Variants in TOGARAM1 observed in about 807,000 individuals in gnomAD.
The protein encoded by TOGARAM1 is TOG array regulator of axonemal microtubules 1.
TOGARAM1 carries 100 observed loss-of-function variants against 166.6 expected under a neutral mutation model. That is an observed-to-expected ratio of 0.60 (90% CI 0.51 to 0.71). The LOEUF (loss-of-function observed/expected upper bound fraction) is 0.71. TOGARAM1 is among the 30% of genes least tolerant of loss of function. The pLI is 0.00. For synonymous variants in TOGARAM1, 758 were observed against 763.8 expected (o/e 0.99, Z 0.13); for missense variants, 2,029 against 2,102.7 (o/e 0.96, Z 0.69).
At chr14:45,019,943 G>T (rs1880397896) in intron 7 of TOGARAM1, among the ~76,000 whole-genome samples, 1 of 152,170 alleles carries the variant, frequency 6.6e-6, no homozygotes, top group South Asian at 2.1e-4. Context: ...GGTGACTTCA[G>T]TGTCATCAAC....
At chr14:45,015,916 C>T (rs1880106342) in intron 7 of TOGARAM1, among the ~76,000 whole-genome samples, 1 of 152,110 alleles carries the variant, frequency 6.6e-6, no homozygotes, top group Admixed American at 6.5e-5. Flanking sequence ...AAATCAGAAT[C>T]TTCCCTAAGC....
rs1230945405 is a variant in TOGARAM1, at chr14:45,027,401, C to A, written c.3431C>A (p.Pro1144Gln). 4 of 1,613,284 alleles carry A rather than the reference C, an allele frequency of 2.5e-6. No homozygotes were observed. The highest frequency in any genetic ancestry group is 3.4e-6 in the Non-Finnish European group (4 of 1,179,692). Residue 1144 changes from proline to glutamine, a missense_variant, in exon 9 of 20, where the codon CCA becomes CAA. By Grantham distance (76) the Pro-to-Gln change is moderately conservative. Transcript: ENST00000361462. ...DTFSIKQSIE[P>Q]PSGIYGRSVQ... ...TTTTCAATTAAACAAAGTATTGAAC[C>A]ACCATCAGGGATTTATGGAAGATCA...
intron 16 of TOGARAM1, 71 bp downstream of exon 16, chr14:45,054,620 A>C: frequency 8.8e-7 from 1 of 1,138,568 alleles, no homozygotes; most frequent in Non-Finnish European, 1.3e-6. Flanking sequence ...GGATGTTTTC[A>C]TAAACTACCC....
At chr14:45,030,498 T>A (rs1335955548) in intron 10 of TOGARAM1, among the ~76,000 whole-genome samples, 4 of 152,100 alleles carry the variant, frequency 2.6e-5, no homozygotes, top group African/African-American at 9.7e-5. Context: ...TAATAGTGCT[T>A]TTTTTTATTT....
In TOGARAM1 at chr14:44,963,506, A is replaced by G; in HGVS notation, c.1085A>G (p.Gln362Arg). 1 of 1,614,238 alleles carries G rather than the reference A, an allele frequency of 6.2e-7. No homozygotes were observed. Among genetic ancestry groups the G allele is most frequent in the South Asian group, 1.1e-5 (1 of 91,084 alleles). ...PQELHSRLLD[Q>R]EDYKNRTQAV... ...GAGCTGCATTCACGATTATTGGATCAGGAAGACTATAAGAACCGGACCCAG... is the reference window on the plus strand; with the variant it reads ...GAGCTGCATTCACGATTATTGGATCGGGAAGACTATAAGAACCGGACCCAG... The change falls in exon 1 of 20, where the codon CAG becomes CGG. Residue 362 changes from glutamine (Q) to arginine (R), a missense_variant. Around this residue, in one of 2 missense-constraint regions of TOGARAM1, gnomAD observed 1,453 missense variants for 1,432.2 expected, o/e 1.01. Transcript: ENST00000361462.
intron 7 of TOGARAM1, among the ~76,000 whole-genome samples, chr14:45,020,436 T>C (rs1880431460): frequency 6.6e-6 from 1 of 152,234 alleles, no homozygotes; most frequent in Non-Finnish European, 1.5e-5. Flanking sequence ...ATGTCACCAT[T>C]TAGTTCTTGA....
chr14:45,036,514 C>T (rs1434663822), intron 11 of TOGARAM1, among the ~76,000 whole-genome samples: 2 of 152,094 alleles, frequency 1.3e-5, no homozygotes, highest in African/African-American at 2.4e-5. Flanking sequence ...ATTACATGGC[C>T]ATATTAATAT....
chr14:45,064,429 C>T (rs1177424612), intron 16 of TOGARAM1, among the ~76,000 whole-genome samples: 1 of 152,082 alleles, frequency 6.6e-6, no homozygotes, highest in Admixed American at 6.6e-5. Context: ...CCATGCCCAG[C>T]TTATGTCTTT....
At chr14:44,965,901 G>A (rs895728923) in intron 1 of TOGARAM1, among the ~76,000 whole-genome samples, 2 of 137,640 alleles carry the variant, frequency 1.5e-5, no homozygotes, top group African/African-American at 5.5e-5. Flanking sequence ...TTGAGATGGA[G>A]TCTCGCCCTG....
chr14:45,015,633 T>C (rs182350814), intron 7 of TOGARAM1, among the ~76,000 whole-genome samples: 1 of 151,974 alleles, frequency 6.6e-6, no homozygotes, highest in Non-Finnish European at 1.5e-5. Flanking sequence ...TAAAATGTGT[T>C]AGGCACTGTG....
At chr14:45,060,316 A>G (rs1389365379) in intron 16 of TOGARAM1, among the ~76,000 whole-genome samples, 1 of 148,670 alleles carries the variant, frequency 6.7e-6, no homozygotes, top group Non-Finnish European at 1.5e-5. Context: ...TTTGGGTTCC[A>G]GTGATTCTCC....
At chr14:45,059,427 T>A (rs1882795615) in intron 16 of TOGARAM1, among the ~76,000 whole-genome samples, 1 of 152,280 alleles carries the variant, frequency 6.6e-6, no homozygotes, top group East Asian at 1.9e-4. Flanking sequence ...GTGGATGGAT[T>A]GCCTGAGCTC....
chr14:44,980,649 C>G (rs188514557), intron 1 of TOGARAM1, among the ~76,000 whole-genome samples: 25 of 152,210 alleles, frequency 1.6e-4, no homozygotes, highest in Admixed American at 5.9e-4. Flanking sequence ...CCACTGCACT[C>G]CAGCCATGGC....
Position 45,045,611 on chromosome 14 carries a change from GTGTGTGTATA to G in TOGARAM1, c.4154+743_4154+752del, listed in dbSNP as rs1443307620. Among the ~76,000 whole-genome samples, 108 of 75,484 alleles carry G rather than the reference GTGTGTGTATA, an allele frequency of 1.4e-3. 2 individuals are homozygous for G. Among genetic ancestry groups the G allele is most frequent in the African/African-American group, 5.1e-3 (92 of 18,198 alleles). The allele number at this position is 75,484 out of a possible 152,430, so 49.5% of individuals were successfully genotyped here. ...TGTGTGTGTGTGTGTGTGTGTGTGT[GTGTGTGTATA>G]TATATGTATATATATACATATATAT... is the stretch of plus-strand genomic sequence containing the variant. On this transcript the variant is annotated intron_variant, in intron 13 of 19. Transcript: ENST00000361462.
chr14:45,039,442 C>T (rs1881610276), intron 11 of TOGARAM1, among the ~76,000 whole-genome samples: 1 of 152,290 alleles, frequency 6.6e-6, no homozygotes, highest in East Asian at 1.9e-4. Context: ...TCCTGTCTGC[C>T]TCCTGCCACC....
chr14:44,990,078 A>G (rs1328769452), intron 1 of TOGARAM1, among the ~76,000 whole-genome samples: 1 of 152,228 alleles, frequency 6.6e-6, no homozygotes, highest in Non-Finnish European at 1.5e-5. Context: ...CTCCCTTGAT[A>G]TGTGGGGATT....
intron 11 of TOGARAM1, among the ~76,000 whole-genome samples, chr14:45,035,398 C>A (rs1386493918): frequency 6.6e-6 from 1 of 150,580 alleles, no homozygotes. Flanking sequence ...ATGAGAGAAA[C>A]AAGACTGAAA....
chr14:45,039,531 C>T (rs1251537911), intron 11 of TOGARAM1, among the ~76,000 whole-genome samples: 1 of 152,110 alleles, frequency 6.6e-6, no homozygotes, highest in Non-Finnish European at 1.5e-5. Flanking sequence ...CTCTTAGCAC[C>T]CTCCTGGCTT....
intron 11 of TOGARAM1, among the ~76,000 whole-genome samples, chr14:45,037,072 C>T (rs1012660908): frequency 6.6e-6 from 1 of 152,170 alleles, no homozygotes; most frequent in Non-Finnish European, 1.5e-5. Flanking sequence ...AGTTACCTCC[C>T]TGTGGTTCCC....
Sources: allele counts gnomAD v4.1 joint callset (sites outside exome capture counted in the v4.1 genomes callset), GRCh38; gene constraint gnomAD v4.1.1; regional missense constraint gnomAD v4.1.1; transcripts MANE v1.5; gene names NCBI Gene and HGNC (gene_info 2026-07-23, HGNC 2026-07-21).